CEP128: variants seen among roughly 807,000 people sequenced by gnomAD.
The protein encoded by CEP128 is centrosomal protein 128.
In CEP128, 132 loss-of-function variants were observed where a neutral mutation model predicts 156.7. The ratio of observed to expected loss-of-function variants is 0.84; its 90% CI spans 0.73 to 0.97. CEP128 has a LOEUF of 0.97. CEP128 is among the 50% of genes least tolerant of loss of function. The pLI is 0.00. For missense variants in CEP128, 1,252 were observed against 1,281.9 expected (o/e 0.98, Z 0.36); for synonymous variants, 469 against 448.9 (o/e 1.04, Z -0.57).
chr14:80,661,023 A>T (rs958926099), intron 19 of CEP128, among the ~76,000 whole-genome samples: 3 of 152,176 alleles, frequency 2.0e-5, no homozygotes, highest in African/African-American at 7.2e-5. Flanking sequence ...TAGCAGAGGA[A>T]TCCCATAAAA....
At position 80,711,900 on chromosome 14, in the gene CEP128, A is replaced by C. The variant is rs573064175; in HGVS notation, c.2806+31175T>G. On this transcript the variant is annotated intron_variant, in intron 19 of 24. Coordinates refer to ENST00000555265, the MANE Select transcript of CEP128 (RefSeq NM_152446.5). The stretch of plus-strand genomic sequence containing the variant: ...ATGTAAAAAATAAAAAATTCGAGTG[A>C]AAATAATTTCAATGGTGTTTATTGA... 1.4e-4 allele frequency among the ~76,000 whole-genome samples: 21 copies of C among 152,240 alleles called. No homozygotes were observed. In the East Asian group the frequency reaches 3.9e-3, roughly 28 times the overall value.
intron 14 of CEP128, among the ~76,000 whole-genome samples, chr14:80,789,877 GTT>G (rs1408110732): frequency 1.3e-5 from 2 of 149,918 alleles, no homozygotes; most frequent in African/African-American, 5.0e-5. Context: ...TTTTGTTGTT[GTT>G]TTGTTTTGTT....
In CEP128 at chr14:80,813,990, G is replaced by A. The variant is rs556509253; in HGVS notation, c.1209+17153C>T. ...AGAACTTCACTGGATATGAACCTAG[G>A]TTGGCAATTATTTTGTTGCAGCACT... On this transcript the variant is annotated intron_variant, in intron 13 of 24. Coordinates refer to ENST00000555265, the MANE Select transcript of CEP128 (RefSeq NM_152446.5). 2.4e-4 allele frequency among the ~76,000 whole-genome samples: 37 copies of A among 152,214 alleles called. 1 individual carries two copies. In the South Asian group the frequency reaches 7.1e-3, roughly 29 times the overall value.
chr14:80,845,782 T>C (rs1334003050), intron 9 of CEP128, among the ~76,000 whole-genome samples: 1 of 152,204 alleles, frequency 6.6e-6, no homozygotes, highest in Non-Finnish European at 1.5e-5. Flanking sequence ...GCAAAACGGT[T>C]TTTGTTTGTA....
intron 19 of CEP128, among the ~76,000 whole-genome samples, chr14:80,711,861 T>C: frequency 6.6e-6 from 1 of 152,154 alleles, no homozygotes; most frequent in East Asian, 1.9e-4. Flanking sequence ...AAAAATTTTT[T>C]TAAATTAAAA....
chr14:80,655,119 T>C (rs1294927614), intron 19 of CEP128, among the ~76,000 whole-genome samples: 1 of 152,194 alleles, frequency 6.6e-6, no homozygotes, highest in African/African-American at 2.4e-5. Context: ...CTACCCCTCT[T>C]TAAGCTCTTA....
intron 12 of CEP128, among the ~76,000 whole-genome samples, chr14:80,831,930 C>A (rs58625998): frequency 0.21 from 32,676 of 152,110 alleles, 3,674 homozygotes; most frequent in Admixed American, 0.26. Context: ...TTTGGCTCTG[C>A]CCCACTCAAA....
intron 20 of CEP128, among the ~76,000 whole-genome samples, chr14:80,568,432 T>C (rs778881440): frequency 8.5e-4 from 129 of 152,308 alleles, no homozygotes; most frequent in Non-Finnish European, 1.4e-3. Flanking sequence ...CATCATAATT[T>C]ACATGCAGAG....
chr14:80,860,774 C>T (rs575747004), intron 9 of CEP128, among the ~76,000 whole-genome samples: 1 of 152,118 alleles, frequency 6.6e-6, no homozygotes, highest in South Asian at 2.1e-4. Flanking sequence ...TATCAGCTTA[C>T]ATTAAATTTC....
intron 19 of CEP128, among the ~76,000 whole-genome samples, chr14:80,633,953 G>A (rs1002884962): frequency 7.2e-5 from 11 of 152,070 alleles, no homozygotes; most frequent in Non-Finnish European, 1.6e-4. Flanking sequence ...AGTCTTTCCT[G>A]GGTATTCATG....
intron 13 of CEP128, among the ~76,000 whole-genome samples, chr14:80,797,896 TATA>T (rs1354692415): frequency 1.3e-5 from 2 of 152,226 alleles, no homozygotes; most frequent in Non-Finnish European, 2.9e-5. Flanking sequence ...TTTATTCCAT[TATA>T]ATGATTTTCA....
intron 19 of CEP128, among the ~76,000 whole-genome samples, chr14:80,731,713 C>T (rs1473884161): frequency 6.6e-6 from 1 of 152,060 alleles, no homozygotes; most frequent in Admixed American, 6.6e-5. Context: ...TCGGTAAATA[C>T]TATGAGGGAG....
intron 8 of CEP128, among the ~76,000 whole-genome samples, chr14:80,873,896 T>G (rs1385571789): frequency 6.6e-6 from 1 of 152,210 alleles, no homozygotes. Flanking sequence ...GGAGTTTCCC[T>G]GCACAAGCTC....
chr14:80,834,263 G>C (rs1041088840), intron 12 of CEP128, among the ~76,000 whole-genome samples: 7 of 152,072 alleles, frequency 4.6e-5, no homozygotes, highest in Non-Finnish European at 7.4e-5. Flanking sequence ...AGAAGAATTA[G>C]GAAAGGCAAG....
At chr14:80,873,391 T>C (rs558511493) in intron 8 of CEP128, among the ~76,000 whole-genome samples, 3 of 152,330 alleles carry the variant, frequency 2.0e-5, no homozygotes, top group African/African-American at 7.2e-5. Flanking sequence ...ATATAGATAA[T>C]ACTTACTAGT....
intron 19 of CEP128, among the ~76,000 whole-genome samples, chr14:80,672,868 A>T (rs747034698): frequency 4.6e-4 from 70 of 152,178 alleles, no homozygotes; most frequent in Non-Finnish European, 8.7e-4. Flanking sequence ...AAGCATAATC[A>T]TCCCATTAAA....
chr14:80,890,200 T>C (rs1889026805), intron 8 of CEP128, among the ~76,000 whole-genome samples: 1 of 152,176 alleles, frequency 6.6e-6, no homozygotes, highest in African/African-American at 2.4e-5. Context: ...AGTTCAACCT[T>C]TGTGGAAGAC....
At chr14:80,734,817 C>T (rs904706001) in intron 19 of CEP128, among the ~76,000 whole-genome samples, 36 of 135,274 alleles carry the variant, frequency 2.7e-4, no homozygotes, top group African/African-American at 1.0e-3. Flanking sequence ...CACTGCACTC[C>T]AGCCTGGTGA....
chr14:80,554,706 A>C (rs1477045896), intron 21 of CEP128, among the ~76,000 whole-genome samples: 1 of 152,004 alleles, frequency 6.6e-6, no homozygotes, highest in Non-Finnish European at 1.5e-5. Context: ...CCTTTTTTTC[A>C]ATCATAATGG....
Sources: allele counts gnomAD v4.1 joint callset (sites outside exome capture counted in the v4.1 genomes callset), GRCh38; gene constraint gnomAD v4.1.1; transcripts MANE v1.5; gene names NCBI Gene and HGNC (gene_info 2026-07-23, HGNC 2026-07-21).